PKNOX2: variants seen among roughly 807,000 people sequenced by gnomAD.
The protein encoded by PKNOX2 is homeobox protein PKNOX2.
In PKNOX2, 14 loss-of-function variants were observed where a neutral mutation model predicts 53.1. That is an observed-to-expected ratio of 0.26 (90% CI 0.17 to 0.41). The LOEUF (loss-of-function observed/expected upper bound fraction) is 0.41, where lower values mean the gene tolerates loss of function less well. Among genes scored for constraint, PKNOX2 ranks in the 10% least tolerant of loss-of-function variants. PKNOX2 has a pLI of 1.00. For missense variants in PKNOX2, 496 were observed against 602.8 expected (o/e 0.82, Z 1.85); for synonymous variants, 257 against 242.8 (o/e 1.06, Z -0.54).
At chr11:125,405,425 C>G (rs1955026318) in intron 7 of PKNOX2, among the ~76,000 whole-genome samples, 1 of 152,162 alleles carries the variant, frequency 6.6e-6, no homozygotes, top group African/African-American at 2.4e-5. Flanking sequence ...AAAAATGAAG[C>G]ACGGTGGCTC....
intron 2 of PKNOX2, among the ~76,000 whole-genome samples, chr11:125,297,648 C>G (rs1226195643): frequency 6.6e-6 from 1 of 152,192 alleles, no homozygotes; most frequent in African/African-American, 2.4e-5. Flanking sequence ...GGGTCCTCCA[C>G]CTTCCTCACC....
chr11:125,236,126 T>G (rs1292139491), intron 2 of PKNOX2, among the ~76,000 whole-genome samples: 1 of 152,228 alleles, frequency 6.6e-6, no homozygotes, highest in Admixed American at 6.5e-5. Flanking sequence ...GTAATGAGTA[T>G]TTGAATAAAT....
intron 3 of PKNOX2, among the ~76,000 whole-genome samples, chr11:125,350,091 C>T (rs910392681): frequency 6.6e-6 from 1 of 152,184 alleles, no homozygotes; most frequent in Non-Finnish European, 1.5e-5. Flanking sequence ...AGGAGAAGAA[C>T]ACGTCCTGCA....
intron 1 of PKNOX2, among the ~76,000 whole-genome samples, chr11:125,189,433 GTGTGTGTGTGTGTGTATA>G (rs1415264579): frequency 7.6e-5 from 6 of 79,180 alleles, no homozygotes; most frequent in Non-Finnish European, 1.2e-4. Flanking sequence ...GTGTGTGTGT[GTGTGTGTGTGTGTGTATA>G]TATATATATA....
chr11:125,399,860 A>G (rs1002263605), intron 7 of PKNOX2, among the ~76,000 whole-genome samples: 2 of 152,170 alleles, frequency 1.3e-5, no homozygotes, highest in African/African-American at 2.4e-5. Flanking sequence ...TCAGGGTTGG[A>G]GGTCTGAGAC....
rs533290893 is a variant in PKNOX2, at chr11:125,293,106, G to T, written c.-129-38713G>T. Among the ~76,000 whole-genome samples, 44 of 152,212 alleles carry T rather than the reference G, an allele frequency of 2.9e-4. 1 individual carries two copies. In the South Asian group the frequency reaches 9.1e-3, roughly 32 times the overall value. ...ATGCATAGAATCTCCCTGGGAGGCA[G>T]ACATACAAATTATAACAGTCATTGC... On this transcript the variant is annotated intron_variant, in intron 2 of 12. Coordinates refer to ENST00000298282, the MANE Select transcript of PKNOX2 (RefSeq NM_001382323.2).
chr11:125,189,309 G>A (rs1252842690), intron 1 of PKNOX2, among the ~76,000 whole-genome samples: 2 of 146,068 alleles, frequency 1.4e-5, no homozygotes, highest in Admixed American at 1.4e-4. Flanking sequence ...GATGGCCCAG[G>A]GGATAGGAAC....
chr11:125,251,153 G>C (rs1002958381), intron 2 of PKNOX2, among the ~76,000 whole-genome samples: 2 of 152,218 alleles, frequency 1.3e-5, no homozygotes, highest in Non-Finnish European at 2.9e-5. Context: ...TTGAGCACTT[G>C]CCACCCTGCT....
intron 2 of PKNOX2, among the ~76,000 whole-genome samples, chr11:125,323,505 C>G (rs1949647986): frequency 6.6e-6 from 1 of 152,106 alleles, no homozygotes; most frequent in African/African-American, 2.4e-5. Context: ...GGAGCTATGC[C>G]CCAGGGTGCA....
chr11:125,326,565 G>A (rs771176854), intron 2 of PKNOX2, among the ~76,000 whole-genome samples: 1 of 152,186 alleles, frequency 6.6e-6, no homozygotes, highest in Non-Finnish European at 1.5e-5. Flanking sequence ...TAAACAAGTC[G>A]ATGAATTATT....
intron 2 of PKNOX2, among the ~76,000 whole-genome samples, chr11:125,284,418 T>G (rs1204639120): frequency 6.6e-6 from 1 of 152,090 alleles, no homozygotes; most frequent in Non-Finnish European, 1.5e-5. Context: ...ACAACCAGGA[T>G]AGATTGTGGT....
rs532707803 is a variant in PKNOX2, at chr11:125,298,869, G to T, written c.-129-32950G>T. Among the ~76,000 whole-genome samples the T allele has an allele frequency of 8.5e-5, 13 of 152,268 alleles. No individual in the cohort carries two copies. The South Asian group carries it at 1.0e-3, about 12-fold the overall frequency. On this transcript the variant is annotated intron_variant, in intron 2 of 12. Coordinates refer to ENST00000298282, the MANE Select transcript of PKNOX2 (RefSeq NM_001382323.2). The stretch of plus-strand genomic sequence containing the variant: ...TCTTTCTTGTTCTTACCTGACCATT[G>T]GTTATCATGTCAGGAGGCCAAGAGA...
intron 4 of PKNOX2, among the ~76,000 whole-genome samples, chr11:125,366,372 T>C (rs1169636317): frequency 6.6e-6 from 1 of 152,198 alleles, no homozygotes; most frequent in African/African-American, 2.4e-5. Flanking sequence ...GGAAAGCAGG[T>C]ACATTTCTTT....
rs1180923278 is a variant in PKNOX2, at chr11:125,431,670, G to C, written c.*278G>C. 3 of 470,640 alleles carry C rather than the reference G, an allele frequency of 6.4e-6. No homozygotes were observed. Among genetic ancestry groups the C allele is most frequent in the Non-Finnish European group, 1.2e-5 (3 of 258,240 alleles). 29.2% of individuals were successfully genotyped at this position (470,640 alleles called of 1,614,324 possible). A position where few individuals can be genotyped will look rare whatever the true frequency, so the allele number is the denominator to read the frequency against. ...TGTGGAAAGACAGGAGTGAGATCTG[G>C]ACTCACCAAATCCCTGAGGATAGAT... is the stretch of plus-strand genomic sequence containing the variant. On this transcript the variant is annotated 3_prime_UTR_variant, in exon 13 of 13. Coordinates refer to ENST00000298282, the MANE Select transcript of PKNOX2 (RefSeq NM_001382323.2).
chr11:125,323,958 T>C (rs934737425), intron 2 of PKNOX2, among the ~76,000 whole-genome samples: 2 of 152,136 alleles, frequency 1.3e-5, no homozygotes, highest in African/African-American at 2.4e-5. Context: ...CATAAATTAC[T>C]CCATGTAAAA....
chr11:125,350,410 C>T (rs1951230578), intron 3 of PKNOX2, among the ~76,000 whole-genome samples: 1 of 152,132 alleles, frequency 6.6e-6, no homozygotes, highest in Admixed American at 6.5e-5. Context: ...ATCCCAGCTT[C>T]ACTAACAAGT....
chr11:125,351,154 A>T, intron 3 of PKNOX2, 130 bp from the exon 4 acceptor site: 1 of 695,452 alleles, frequency 1.4e-6, no homozygotes, highest in Non-Finnish European at 2.7e-6. Flanking sequence ...TGTTGCCCTG[A>T]AGGGCGTGCA....
At chr11:125,354,676 T>C (rs1261447435) in intron 4 of PKNOX2, among the ~76,000 whole-genome samples, 1 of 152,244 alleles carries the variant, frequency 6.6e-6, no homozygotes, top group Non-Finnish European at 1.5e-5. Flanking sequence ...GGACCTTCTT[T>C]ATAATAAATT....
At chr11:125,408,215 G>T (rs970912866) in intron 7 of PKNOX2, among the ~76,000 whole-genome samples, 1 of 152,226 alleles carries the variant, frequency 6.6e-6, no homozygotes, top group South Asian at 2.1e-4. Flanking sequence ...TTGTACTTCA[G>T]GGAGGGGAAA....
Sources: gnomAD v4.1 joint callset for allele counts (sites outside exome capture counted in the v4.1 genomes callset) on GRCh38, gnomAD v4.1.1 for gene constraint, MANE v1.5 for transcripts, NCBI Gene and HGNC (gene_info 2026-07-23, HGNC 2026-07-21) for gene names.